CCDC85A: variants seen among roughly 807,000 people sequenced by gnomAD.
The protein encoded by CCDC85A is coiled-coil domain-containing protein 85A.
In CCDC85A, 38 loss-of-function variants were observed where a neutral mutation model predicts 50.2. The ratio of observed to expected loss-of-function variants is 0.76; its 90% confidence interval spans 0.58 to 0.99. The LOEUF (loss-of-function observed/expected upper bound fraction) is 0.99, where lower values mean the gene tolerates loss of function less well. CCDC85A is among the 50% of genes least tolerant of loss of function. CCDC85A has a pLI of 0.00. For synonymous variants in CCDC85A, 366 were observed against 301.4 expected (o/e 1.21, Z -2.22); for missense variants, 820 against 742.0 (o/e 1.11, Z -1.22).
chr2:56,253,980 T>C (rs1669876262), intron 2 of CCDC85A, among the ~76,000 whole-genome samples: 1 of 152,162 alleles, frequency 6.6e-6, no homozygotes, highest in African/African-American at 2.4e-5. Context: ...GGGTATTAAA[T>C]GAAAGTGCCA....
intron 2 of CCDC85A, among the ~76,000 whole-genome samples, chr2:56,249,079 T>G (rs542062616): frequency 6.6e-6 from 1 of 152,338 alleles, no homozygotes; most frequent in South Asian, 2.1e-4. Flanking sequence ...TAGCAGGACC[T>G]TCTCTCTTCT....
At chr2:56,304,742 C>G (rs1672355637) in intron 2 of CCDC85A, among the ~76,000 whole-genome samples, 1 of 151,826 alleles carries the variant, frequency 6.6e-6, no homozygotes, top group South Asian at 2.1e-4. Flanking sequence ...TTTTAATATG[C>G]TTACAATAAA....
At position 56,306,980 on chromosome 2, in the gene CCDC85A, G is replaced by A. The variant is rs566833922; in HGVS notation, c.1241-35899G>A. On this transcript the variant is annotated intron_variant, in intron 2 of 5. Coordinates refer to ENST00000407595, the MANE Select transcript of CCDC85A (RefSeq NM_001080433.2). ...TTTGGAATGATTGATTGAAAATTTAGTATAGTGGTTTTGCTTCATCCAAAA... is the reference window on the plus strand; with the variant it reads ...TTTGGAATGATTGATTGAAAATTTAATATAGTGGTTTTGCTTCATCCAAAA... 5.9e-5 allele frequency among the ~76,000 whole-genome samples: 9 copies of A among 152,158 alleles called. No individual in the cohort carries two copies. In the East Asian group the frequency reaches 1.7e-3, roughly 29 times the overall value.
intron 3 of CCDC85A, among the ~76,000 whole-genome samples, chr2:56,350,169 CTT>C (rs1674842411): frequency 8.1e-6 from 1 of 124,180 alleles, no homozygotes; most frequent in African/African-American, 3.8e-5. Flanking sequence ...TTTTTCTTCT[CTT>C]ATTTTTTTTT....
chr2:56,370,402 T>C (rs1041866756), intron 3 of CCDC85A, among the ~76,000 whole-genome samples: 2 of 152,064 alleles, frequency 1.3e-5, no homozygotes, highest in African/African-American at 4.8e-5. Flanking sequence ...TCTATATACC[T>C]AGATTAAAAA....
chr2:56,291,276 C>G (rs962071072), intron 2 of CCDC85A, among the ~76,000 whole-genome samples: 4 of 152,136 alleles, frequency 2.6e-5, no homozygotes, highest in Non-Finnish European at 1.5e-5. Flanking sequence ...ATTTATTCAT[C>G]TATTAGTCAA....
At chr2:56,215,278 C>T (rs1319608733) in intron 2 of CCDC85A, among the ~76,000 whole-genome samples, 3 of 151,844 alleles carry the variant, frequency 2.0e-5, no homozygotes, top group Admixed American at 6.6e-5. Context: ...TTGTTGTTGG[C>T]GGCTTGTTTT....
At chr2:56,308,207 A>G (rs1027061223) in intron 2 of CCDC85A, among the ~76,000 whole-genome samples, 3 of 152,160 alleles carry the variant, frequency 2.0e-5, no homozygotes, top group Non-Finnish European at 2.9e-5. Context: ...AAGACATTTC[A>G]TATTTATCAA....
chr2:56,189,543 G>A (rs1465374849), intron 1 of CCDC85A, among the ~76,000 whole-genome samples: 1 of 151,938 alleles, frequency 6.6e-6, no homozygotes, highest in Non-Finnish European at 1.5e-5. Context: ...TGCCCACCTC[G>A]GCCTCCCAAA....
intron 4 of CCDC85A, among the ~76,000 whole-genome samples, chr2:56,373,387 A>T (rs952144613): frequency 3.3e-5 from 5 of 152,132 alleles, no homozygotes; most frequent in African/African-American, 1.2e-4. Context: ...CATAAAAAAA[A>T]AAAAAGTGTG....
chr2:56,329,910 T>C (rs937322929), intron 2 of CCDC85A, among the ~76,000 whole-genome samples: 2 of 149,908 alleles, frequency 1.3e-5, no homozygotes, highest in African/African-American at 4.9e-5. Flanking sequence ...TTTATAGGTT[T>C]ACTTTCTTGA....
intron 2 of CCDC85A, among the ~76,000 whole-genome samples, chr2:56,318,979 A>G (rs1673041054): frequency 6.6e-6 from 1 of 152,096 alleles, no homozygotes; most frequent in Non-Finnish European, 1.5e-5. Flanking sequence ...ATTGTGCACC[A>G]ATGATGATTG....
intron 2 of CCDC85A, among the ~76,000 whole-genome samples, chr2:56,234,047 A>C (rs940193471): frequency 6.6e-6 from 1 of 152,192 alleles, no homozygotes; most frequent in African/African-American, 2.4e-5. Flanking sequence ...AGGACACCTG[A>C]AAAGTACCCT....
At chr2:56,328,703 A>G (rs980213284) in intron 2 of CCDC85A, among the ~76,000 whole-genome samples, 1 of 152,104 alleles carries the variant, frequency 6.6e-6, no homozygotes, top group African/African-American at 2.4e-5. Context: ...TATAGCGATG[A>G]TCTTTGATTT....
At chr2:56,339,066 G>A (rs940044137) in intron 2 of CCDC85A, among the ~76,000 whole-genome samples, 1 of 152,202 alleles carries the variant, frequency 6.6e-6, no homozygotes, top group African/African-American at 2.4e-5. Context: ...CTTCTGGAAT[G>A]CCTGTAATCT....
intron 2 of CCDC85A, among the ~76,000 whole-genome samples, chr2:56,317,423 C>T (rs535507369): frequency 6.6e-6 from 1 of 152,162 alleles, no homozygotes; most frequent in East Asian, 1.9e-4. Context: ...CCAAATGAAA[C>T]ATTATGCCAT....
chr2:56,305,135 G>A (rs1015931594), intron 2 of CCDC85A, among the ~76,000 whole-genome samples: 7 of 151,684 alleles, frequency 4.6e-5, no homozygotes, highest in Admixed American at 1.3e-4. Context: ...TTATCCTCAG[G>A]ATAGTTAGGA....
chr2:56,323,909 T>C (rs1673341674), intron 2 of CCDC85A, among the ~76,000 whole-genome samples: 1 of 152,102 alleles, frequency 6.6e-6, no homozygotes, highest in Non-Finnish European at 1.5e-5. Flanking sequence ...TTCAAGTGAA[T>C]TGTTATTTAG....
chr2:56,253,756 A>G (rs1669869090), intron 2 of CCDC85A, among the ~76,000 whole-genome samples: 2 of 152,226 alleles, frequency 1.3e-5, no homozygotes, highest in Admixed American at 1.3e-4. Context: ...TGGATTAGCC[A>G]TAGAGACCAA....
Sources: gnomAD v4.1 joint callset for allele counts (sites outside exome capture counted in the v4.1 genomes callset) on GRCh38, gnomAD v4.1.1 for gene constraint, MANE v1.5 for transcripts, NCBI Gene and HGNC (gene_info 2026-07-23, HGNC 2026-07-21) for gene names.